The following CUL2 variants were observed in gnomAD, a reference collection of about 807,000 sequenced individuals.
The protein encoded by CUL2 is cullin 2, also known as cullin-2.
In CUL2, 22 loss-of-function variants were observed where a neutral mutation model predicts 110.2. The observed-to-expected ratio is 0.20, with a 90% confidence interval of 0.14 to 0.28. The LOEUF (loss-of-function observed/expected upper bound fraction) is 0.28. CUL2 is among the 10% of genes least tolerant of loss of function. The probability of loss-of-function intolerance (pLI) is 1.00; values close to 1 mark genes in which losing one functional copy is unlikely to be tolerated. For synonymous variants in CUL2, 279 were observed against 293.2 expected, an observed-to-expected ratio of 0.95 and a Z score of 0.49; for missense variants, 631 against 905.5, an observed-to-expected ratio of 0.70 and a Z score of 3.89.
intron 19 of CUL2, among the ~76,000 whole-genome samples, chr10:35,012,667 A>G (rs11010068): frequency 0.03 from 4,517 of 152,314 alleles, 223 homozygotes; most frequent in African/African-American, 0.1. Flanking sequence ...ATTATTTATT[A>G]GCCTGGAGGA....
At chr10:35,107,152 T>C (rs997147558) in intron 1 of CUL2, among the ~76,000 whole-genome samples, 4 of 151,888 alleles carry the variant, frequency 2.6e-5, no homozygotes, top group African/African-American at 7.3e-5. Flanking sequence ...TTTTTTGTAT[T>C]TTCAGTAGAG....
At chr10:35,069,446 T>C (rs987318493) in intron 2 of CUL2, among the ~76,000 whole-genome samples, 1 of 151,710 alleles carries the variant, frequency 6.6e-6, no homozygotes, top group African/African-American at 2.4e-5. Context: ...GAGGCTGAGA[T>C]AGGAGGATCT....
chr10:35,044,908 A>T, intron 6 of CUL2, 40 bp from the exon 7 acceptor site: 1 of 1,487,676 alleles, frequency 6.7e-7, no homozygotes, highest in Non-Finnish European at 9.3e-7. Flanking sequence ...TGAGAATACA[A>T]ATTATCTATG....
intron 9 of CUL2, among the ~76,000 whole-genome samples, chr10:35,036,881 A>C (rs2085634576): frequency 6.6e-6 from 1 of 152,028 alleles, no homozygotes; most frequent in African/African-American, 2.4e-5. Context: ...CCACAGGTGC[A>C]CACCACCCCG....
intron 1 of CUL2, among the ~76,000 whole-genome samples, chr10:35,122,639 T>A (rs897550999): frequency 2.0e-5 from 3 of 152,190 alleles, no homozygotes; most frequent in African/African-American, 7.2e-5. Context: ...TATTTTATTT[T>A]ATTTATTTAT....
At chr10:35,012,636 A>G (rs2084932503) in intron 19 of CUL2, among the ~76,000 whole-genome samples, 2 of 152,232 alleles carry the variant, frequency 1.3e-5, no homozygotes, top group South Asian at 4.1e-4. Flanking sequence ...AAGACAAAAT[A>G]CAATCTATAT....
intron 8 of CUL2, among the ~76,000 whole-genome samples, chr10:35,043,724 A>G (rs2085858127): frequency 6.6e-6 from 1 of 152,218 alleles, no homozygotes; most frequent in Non-Finnish European, 1.5e-5. Flanking sequence ...GAGAAAATAA[A>G]CATGGGATTT....
chr10:35,049,903 C>A (rs954080161), intron 5 of CUL2, 138 bp from the exon 6 acceptor site: 1 of 559,014 alleles, frequency 1.8e-6, no homozygotes, highest in South Asian at 3.0e-5. Context: ...AAAACCTGAA[C>A]AAAAATTTAA....
intron 6 of CUL2, among the ~76,000 whole-genome samples, chr10:35,047,714 C>T (rs938849606): frequency 6.6e-6 from 1 of 151,154 alleles, no homozygotes; most frequent in Admixed American, 6.6e-5. Context: ...GGTAGGAGCT[C>T]GAGACCAACC....
intron 4 of CUL2, 75 bp from the exon 5 acceptor site, chr10:35,054,614 G>A (rs1029129551): frequency 2.2e-5 from 16 of 723,926 alleles, no homozygotes; most frequent in Non-Finnish European, 3.6e-5. Flanking sequence ...AACTTTAGAA[G>A]AATATTTTTA....
intron 8 of CUL2, among the ~76,000 whole-genome samples, chr10:35,039,651 G>A (rs553795586): frequency 6.6e-6 from 1 of 152,250 alleles, no homozygotes; most frequent in South Asian, 2.1e-4. Flanking sequence ...GATCATCTGA[G>A]GTCAGGAGTT....
At chr10:35,014,861 A>C (rs962662107) in intron 18 of CUL2, among the ~76,000 whole-genome samples, 1 of 152,214 alleles carries the variant, frequency 6.6e-6, no homozygotes, top group Non-Finnish European at 1.5e-5. Flanking sequence ...AATAAAATTT[A>C]AAGTGCAAAC....
At chr10:35,022,645 T>C (rs1460738622) in intron 17 of CUL2, among the ~76,000 whole-genome samples, 1 of 152,146 alleles carries the variant, frequency 6.6e-6, no homozygotes, top group East Asian at 1.9e-4. Context: ...AAAAATAAAA[T>C]GAAAAATGTT....
At chr10:35,111,939 C>T (rs2087528401) in intron 1 of CUL2, among the ~76,000 whole-genome samples, 1 of 152,202 alleles carries the variant, frequency 6.6e-6, no homozygotes, top group Non-Finnish European at 1.5e-5. Flanking sequence ...AACTCATAGC[C>T]TACTGTCCAG....
At chr10:35,015,111 T>C (rs565792501) in intron 18 of CUL2, among the ~76,000 whole-genome samples, 51 of 152,038 alleles carry the variant, frequency 3.4e-4, no homozygotes, top group African/African-American at 1.1e-3. Flanking sequence ...CTGGCCAACA[T>C]TGTGAAACCC....
intron 1 of CUL2, among the ~76,000 whole-genome samples, chr10:35,077,227 G>C (rs965297930): frequency 2.0e-5 from 3 of 151,676 alleles, no homozygotes; most frequent in Admixed American, 6.6e-5. Flanking sequence ...ATTCTACTAA[G>C]TGAATGAAGA....
intron 1 of CUL2, among the ~76,000 whole-genome samples, chr10:35,105,017 C>A (rs1367557997): frequency 6.6e-6 from 1 of 151,800 alleles, no homozygotes; most frequent in African/African-American, 2.4e-5. Flanking sequence ...GCGTGAGCCA[C>A]CGTGCCCAGC....
chr10:35,068,196 T>C (rs2086584639), intron 2 of CUL2, among the ~76,000 whole-genome samples: 3 of 150,250 alleles, frequency 2.0e-5, no homozygotes, highest in Non-Finnish European at 4.4e-5. Context: ...CCAAGGCACA[T>C]GGAACACATG....
At chr10:35,074,404 C>T in intron 1 of CUL2, 1 of 620,488 alleles carries the variant, frequency 1.6e-6, no homozygotes, top group Non-Finnish European at 2.9e-6. Context: ...TTGCCTTTAC[C>T]CTTACTATTT....
Sources: allele counts gnomAD v4.1 joint callset (sites outside exome capture counted in the v4.1 genomes callset), GRCh38; gene constraint gnomAD v4.1.1; transcripts MANE v1.5; gene names NCBI Gene and HGNC (gene_info 2026-07-23, HGNC 2026-07-21).